Variants in CEP112 observed in about 807,000 individuals in gnomAD.
CEP112 encodes centrosomal protein of 112 kDa.
CEP112 carries 127 observed loss-of-function variants against 153.0 expected under a neutral mutation model. The observed-to-expected ratio is 0.83, with a 90% confidence interval of 0.72 to 0.96. CEP112 has a LOEUF of 0.96. Ranked by LOEUF, CEP112 falls within the 40% of genes least tolerant of loss-of-function variation. The pLI is 0.00. For missense variants in CEP112, 1,089 were observed against 1,101.2 expected (o/e 0.99, Z 0.16); for synonymous variants, 358 against 374.4 (o/e 0.96, Z 0.51).
chr17:65,901,983 C>CGGGG (rs1193965831), intron 20 of CEP112, among the ~76,000 whole-genome samples, 169 bp downstream of exon 20: 314 of 4,880 alleles, frequency 0.064, 45 homozygotes, highest in Non-Finnish European at 0.081. Flanking sequence ...CATCCCAAAA[C>CGGGG]GGGGGGGGGG....
At chr17:65,729,109 A>G (rs2050348429) in intron 23 of CEP112, among the ~76,000 whole-genome samples, 1 of 152,140 alleles carries the variant, frequency 6.6e-6, no homozygotes, top group Admixed American at 6.5e-5. Context: ...AATTGTACAT[A>G]TTCCGTTTTT....
intron 22 of CEP112, 60 bp from the exon 23 acceptor site, chr17:65,743,277 A>AT: frequency 7.7e-7 from 1 of 1,304,172 alleles, no homozygotes; most frequent in East Asian, 2.3e-5. Context: ...TCTATTTTAT[A>AT]TGTATTGATG....
chr17:65,796,024 G>A (rs1726062537), intron 21 of CEP112, among the ~76,000 whole-genome samples: 1 of 151,874 alleles, frequency 6.6e-6, no homozygotes, highest in Admixed American at 6.6e-5. Context: ...TGTTTTCTGG[G>A]CCTCTATATT....
chr17:66,025,922 C>CACACACACACACACAA (rs751506301), intron 16 of CEP112, among the ~76,000 whole-genome samples: 10 of 99,726 alleles, frequency 1.0e-4, no homozygotes, highest in Non-Finnish European at 1.9e-4. Flanking sequence ...ATGTGGCATA[C>CACACACACACACACAA]ACACACACAC....
At chr17:66,040,828 G>A (rs932897476) in intron 12 of CEP112, among the ~76,000 whole-genome samples, 1 of 152,026 alleles carries the variant, frequency 6.6e-6, no homozygotes, top group Non-Finnish European at 1.5e-5. Flanking sequence ...TGATCAAAAG[G>A]TATTAATTTT....
intron 7 of CEP112, 124 bp downstream of exon 7, chr17:66,096,461 G>T: frequency 8.7e-7 from 1 of 1,142,978 alleles, no homozygotes; most frequent in Non-Finnish European, 1.3e-6. Flanking sequence ...ACTTCCAAGT[G>T]ATAAAATTCA....
intron 21 of CEP112, among the ~76,000 whole-genome samples, chr17:65,828,434 C>G (rs772730484): frequency 3.0e-4 from 45 of 152,180 alleles, no homozygotes; most frequent in Non-Finnish European, 3.8e-4. Flanking sequence ...ATCAGAAGAG[C>G]AGCCTTTAAA....
intron 19 of CEP112, among the ~76,000 whole-genome samples, chr17:65,908,141 G>A (rs2060149901): frequency 6.6e-6 from 1 of 152,146 alleles, no homozygotes; most frequent in Non-Finnish European, 1.5e-5. Context: ...AATAAAAGAG[G>A]GAAGGCTTCA....
intron 17 of CEP112, among the ~76,000 whole-genome samples, chr17:65,990,403 A>G (rs1249401871): frequency 6.6e-6 from 1 of 152,224 alleles, no homozygotes; most frequent in Non-Finnish European, 1.5e-5. Context: ...GGCAGGAAAA[A>G]CAGTTTTGAA....
intron 4 of CEP112, among the ~76,000 whole-genome samples, chr17:66,143,214 T>C (rs1017637235): frequency 6.6e-5 from 10 of 152,184 alleles, no homozygotes; most frequent in Admixed American, 2.0e-4. Flanking sequence ...ATGTCCAACA[T>C]AGGATATATA....
At chr17:65,914,146 AG>A (rs1189292766) in intron 19 of CEP112, among the ~76,000 whole-genome samples, 4 of 151,914 alleles carry the variant, frequency 2.6e-5, no homozygotes, top group African/African-American at 9.7e-5. Flanking sequence ...AACTCCATAT[AG>A]ATGGAGTTCA....
At chr17:65,786,572 C>CTTTTTTTTTTTTTTTT (rs1195368604) in intron 21 of CEP112, among the ~76,000 whole-genome samples, 6 of 101,630 alleles carry the variant, frequency 5.9e-5, no homozygotes, top group South Asian at 6.8e-4. Context: ...TTAGCCAATT[C>CTTTTTTTTTTTTTTTT]TTTTTTTTTT....
chr17:65,951,453 T>C (rs567205382), intron 18 of CEP112, among the ~76,000 whole-genome samples: 2 of 152,290 alleles, frequency 1.3e-5, no homozygotes, highest in East Asian at 3.9e-4. Context: ...GTTTTGATCA[T>C]TTGTATCTCT....
chr17:65,960,400 ATATAC>A (rs1271444928), intron 18 of CEP112, among the ~76,000 whole-genome samples: 4 of 152,232 alleles, frequency 2.6e-5, no homozygotes, highest in Non-Finnish European at 4.4e-5. Flanking sequence ...CATAAATAAT[ATATAC>A]ATACATATTA....
In CEP112 at chr17:65,834,902, T is replaced by C. The variant is rs141872879; in HGVS notation, c.2394+16902A>G. Among the ~76,000 whole-genome samples the C allele has an allele frequency of 2.7e-3, 417 of 152,302 alleles. 5 individuals are homozygous for C. Among genetic ancestry groups the C allele is most frequent in the African/African-American group, 9.3e-3 (386 of 41,572 alleles). ...CCCTAAAGACACATGTACATGAATA[T>C]TCACTGCAGCACTATCCACAATAGC... On this transcript the variant is annotated intron_variant, in intron 21 of 26. Coordinates refer to ENST00000535342, the MANE Select transcript of CEP112 (RefSeq NM_001199165.4).
chr17:65,992,023 TA>T (rs11289087), intron 17 of CEP112, among the ~76,000 whole-genome samples: 87,187 of 148,422 alleles, frequency 0.59, 26,592 homozygotes, highest in African/African-American at 0.72. Context: ...AATGTTCCAT[TA>T]AAAAAAAAAA....
chr17:65,721,829 G>A (rs1375069971), intron 23 of CEP112, among the ~76,000 whole-genome samples: 1 of 119,848 alleles, frequency 8.3e-6, no homozygotes, highest in Non-Finnish European at 1.7e-5. Flanking sequence ...TGTTTGCAAG[G>A]ACCACTAGCA....
At chr17:66,021,516 T>C (rs1175701441) in intron 16 of CEP112, among the ~76,000 whole-genome samples, 1 of 152,228 alleles carries the variant, frequency 6.6e-6, no homozygotes, top group Admixed American at 6.5e-5. Context: ...TTCTGAGTGT[T>C]GCAACTGGCT....
chr17:66,154,028 A>G (rs1388520612), intron 4 of CEP112, among the ~76,000 whole-genome samples: 1 of 151,282 alleles, frequency 6.6e-6, no homozygotes, highest in Admixed American at 6.6e-5. Flanking sequence ...AAAATACAAA[A>G]ATCAGCCAGG....
Sources: gnomAD v4.1 joint callset for allele counts (sites outside exome capture counted in the v4.1 genomes callset) on GRCh38, gnomAD v4.1.1 for gene constraint, MANE v1.5 for transcripts, NCBI Gene and HGNC (gene_info 2026-07-23, HGNC 2026-07-21) for gene names.